CNTNAP5: variants seen among roughly 807,000 people sequenced by gnomAD.
The protein encoded by CNTNAP5 is contactin-associated protein-like 5.
Under a neutral mutation model 150.2 loss-of-function variants are expected in CNTNAP5, and 72 were observed. The observed-to-expected ratio is 0.48, with a 90% CI of 0.40 to 0.58. The LOEUF (loss-of-function observed/expected upper bound fraction) is 0.58. Ranked by LOEUF, CNTNAP5 falls within the 20% of genes least tolerant of loss-of-function variation. The probability of loss-of-function intolerance (pLI) is 0.00; values close to 1 mark genes in which losing one functional copy is unlikely to be tolerated. For synonymous variants in CNTNAP5, 672 were observed against 619.8 expected, an observed-to-expected ratio of 1.08 and a Z score of -1.25; for missense variants, 1,636 against 1,626.2, an observed-to-expected ratio of 1.01 and a Z score of -0.10.
intron 1 of CNTNAP5, among the ~76,000 whole-genome samples, chr2:124,152,754 A>C (rs1329864658): frequency 1.3e-5 from 2 of 152,216 alleles, no homozygotes; most frequent in African/African-American, 4.8e-5. Context: ...GACAGAACAG[A>C]CAAGCAAGCA....
At chr2:124,602,698 G>A (rs1022538087) in intron 11 of CNTNAP5, among the ~76,000 whole-genome samples, 2 of 152,130 alleles carry the variant, frequency 1.3e-5, no homozygotes, top group African/African-American at 4.8e-5. Flanking sequence ...TAACTATGTT[G>A]CTCAGGCTGG....
chr2:124,518,924 G>A (rs1184999761), intron 8 of CNTNAP5, among the ~76,000 whole-genome samples: 1 of 148,612 alleles, frequency 6.7e-6, no homozygotes, highest in Non-Finnish European at 1.5e-5. Context: ...AGGAGGCGGA[G>A]GTTGCAGTGA....
chr2:124,216,366 T>C (rs917957300), intron 1 of CNTNAP5, among the ~76,000 whole-genome samples: 3 of 152,188 alleles, frequency 2.0e-5, no homozygotes, highest in African/African-American at 7.2e-5. Flanking sequence ...CAGAGTTTTT[T>C]TTTAAGTTTA....
chr2:124,757,676 A>G (rs529458470), intron 14 of CNTNAP5, among the ~76,000 whole-genome samples: 1 of 152,272 alleles, frequency 6.6e-6, no homozygotes, highest in African/African-American at 2.4e-5. Flanking sequence ...TCCTAGCGTT[A>G]TTCTCAGGAT....
chr2:124,810,780 T>C (rs2444589), intron 19 of CNTNAP5, among the ~76,000 whole-genome samples: 93,342 of 151,814 alleles, frequency 0.61, 29,046 homozygotes, highest in East Asian at 0.82. Context: ...GGCATGCTAT[T>C]GCCCTCCCAG....
chr2:124,747,873 G>A (rs1056933725), intron 14 of CNTNAP5, among the ~76,000 whole-genome samples: 34 of 135,260 alleles, frequency 2.5e-4, no homozygotes, highest in African/African-American at 7.3e-4. Flanking sequence ...TCTTGACCTC[G>A]TGATCCACCT....
In CNTNAP5 at chr2:124,195,096, G is replaced by A. The variant is rs541136371; in HGVS notation, c.83-26609G>A. The stretch of plus-strand genomic sequence containing the variant: ...AAAACATCTAAAGAGAACCTCAATC[G>A]TATTAAAAGTCAAGAATGCACGTTT... On this transcript the variant is annotated intron_variant, in intron 1 of 23. Coordinates refer to ENST00000682447, the MANE Select transcript of CNTNAP5 (RefSeq NM_001367498.1). 3.9e-5 allele frequency among the ~76,000 whole-genome samples: 6 copies of A among 152,026 alleles called. No individual in the cohort carries two copies. In the South Asian group the frequency reaches 6.3e-4, roughly 16 times the overall value.
At chr2:124,263,627 T>C (rs550763448) in intron 3 of CNTNAP5, among the ~76,000 whole-genome samples, 1 of 152,198 alleles carries the variant, frequency 6.6e-6, no homozygotes, top group East Asian at 1.9e-4. Flanking sequence ...TAGTTTCTTT[T>C]GCTGTGCAGA....
At chr2:124,504,245 C>T (rs369978375) in intron 7 of CNTNAP5, 47 bp from the exon 8 acceptor site, 9 of 1,579,434 alleles carry the variant, frequency 5.7e-6, no homozygotes, top group South Asian at 4.5e-5. Context: ...TGTCAGATTG[C>T]GGAATAAAAA....
At chr2:124,203,801 C>A (rs577942827) in intron 1 of CNTNAP5, among the ~76,000 whole-genome samples, 1 of 152,258 alleles carries the variant, frequency 6.6e-6, no homozygotes, top group African/African-American at 2.4e-5. Flanking sequence ...AGGCCCTGGG[C>A]CCAGACCACA....
intron 11 of CNTNAP5, among the ~76,000 whole-genome samples, chr2:124,576,760 A>C (rs371196423): frequency 6.6e-6 from 1 of 152,200 alleles, no homozygotes; most frequent in Non-Finnish European, 1.5e-5. Flanking sequence ...TAGTTCTCTC[A>C]TCTCTAAATA....
chr2:124,089,851 T>G (rs1222747772), intron 1 of CNTNAP5, among the ~76,000 whole-genome samples: 1 of 152,256 alleles, frequency 6.6e-6, no homozygotes, highest in Non-Finnish European at 1.5e-5. Flanking sequence ...ACTATTATCC[T>G]AGCTGTTCTA....
At chr2:124,671,130 C>T (rs1678815161) in intron 13 of CNTNAP5, among the ~76,000 whole-genome samples, 1 of 152,154 alleles carries the variant, frequency 6.6e-6, no homozygotes, top group African/African-American at 2.4e-5. Flanking sequence ...CCATCCTTGA[C>T]CTCAACTGTT....
At chr2:124,698,252 T>A (rs1414482779) in intron 13 of CNTNAP5, among the ~76,000 whole-genome samples, 2 of 151,854 alleles carry the variant, frequency 1.3e-5, no homozygotes, top group African/African-American at 4.8e-5. Flanking sequence ...GCATAAAGGC[T>A]GAGGAAAGGG....
intron 12 of CNTNAP5, among the ~76,000 whole-genome samples, chr2:124,631,391 A>T (rs1407881376): frequency 6.6e-6 from 1 of 152,188 alleles, no homozygotes; most frequent in Non-Finnish European, 1.5e-5. Flanking sequence ...AGACCAATGG[A>T]ACAGAATAGA....
At chr2:124,600,195 T>G (rs574902229) in intron 11 of CNTNAP5, among the ~76,000 whole-genome samples, 1 of 151,996 alleles carries the variant, frequency 6.6e-6, no homozygotes, top group South Asian at 2.1e-4. Context: ...AATGGTTTTT[T>G]TTTTATTTTT....
At chr2:124,773,079 C>A in intron 17 of CNTNAP5, 62 bp downstream of exon 17, 2 of 1,322,952 alleles carry the variant, frequency 1.5e-6, no homozygotes, top group South Asian at 1.2e-5. Context: ...GTGACCATGC[C>A]CAAGAAAAAA....
intron 1 of CNTNAP5, among the ~76,000 whole-genome samples, chr2:124,050,443 G>A (rs938007962): frequency 6.6e-5 from 10 of 152,070 alleles, no homozygotes; most frequent in Admixed American, 6.6e-4. Flanking sequence ...CAGCCTGGGA[G>A]ACAGAGCGAG....
At chr2:124,276,220 T>C (rs1015707251) in intron 3 of CNTNAP5, among the ~76,000 whole-genome samples, 2 of 152,130 alleles carry the variant, frequency 1.3e-5, no homozygotes, top group Admixed American at 6.6e-5. Context: ...AATACAAGTC[T>C]AAAGTTAACA....
Sources: gnomAD v4.1 joint callset for allele counts (sites outside exome capture counted in the v4.1 genomes callset) on GRCh38, gnomAD v4.1.1 for gene constraint, MANE v1.5 for transcripts, NCBI Gene and HGNC (gene_info 2026-07-23, HGNC 2026-07-21) for gene names.